THSD7A: variants seen among roughly 807,000 people sequenced by gnomAD.
THSD7A encodes the protein thrombospondin type 1 domain containing 7A, also known as thrombospondin type-1 domain-containing protein 7A.
THSD7A carries 96 observed loss-of-function variants against 231.3 expected under a neutral mutation model. The observed-to-expected ratio is 0.41, with a 90% CI of 0.35 to 0.49. The LOEUF is 0.49. THSD7A is among the 20% of genes least tolerant of loss of function. The probability of loss-of-function intolerance (pLI) is 0.05; values close to 1 mark genes in which losing one functional copy is unlikely to be tolerated. For synonymous variants in THSD7A, 940 were observed against 743.3 expected (o/e 1.26, Z -4.30); for missense variants, 2,290 against 2,070.2 (o/e 1.11, Z -2.06).
At chr7:11,385,060 G>A (rs1466158640) in intron 23 of THSD7A, 1 of 147,542 alleles carries the variant, frequency 6.8e-6, no homozygotes, top group Non-Finnish European at 1.5e-5. Context: ...TATAGTTTTA[G>A]TTTTATTGTC....
chr7:11,722,293 A>C (rs531309352), intron 1 of THSD7A, among the ~76,000 whole-genome samples: 1 of 152,002 alleles, frequency 6.6e-6, no homozygotes, highest in South Asian at 2.1e-4. Flanking sequence ...GGATTATGGG[A>C]AGGGGGTGAA....
At chr7:11,386,427 T>C (rs1782746717) in intron 23 of THSD7A, among the ~76,000 whole-genome samples, 1 of 152,230 alleles carries the variant, frequency 6.6e-6, no homozygotes, top group African/African-American at 2.4e-5. Context: ...TGTGAGATGG[T>C]ATCTCATTGT....
intron 7 of THSD7A, among the ~76,000 whole-genome samples, chr7:11,476,375 T>C (rs1213832286): frequency 1.3e-5 from 2 of 150,982 alleles, no homozygotes; most frequent in African/African-American, 4.9e-5. Context: ...TTTTTTTAAG[T>C]GTAAAGAACT....
chr7:11,375,409 A>C lies in THSD7A; in HGVS notation c.*385T>G. 1 of 158,794 alleles carries C rather than the reference A, an allele frequency of 6.3e-6. No individual in the cohort carries two copies. The highest frequency in any genetic ancestry group is 2.0e-4 in the South Asian group (1 of 4,916). 9.8% of individuals were successfully genotyped at this position (158,794 alleles called of 1,614,324 possible). On this transcript the variant is annotated 3_prime_UTR_variant, in exon 28 of 28. Coordinates refer to ENST00000423059, the MANE Select transcript of THSD7A (RefSeq NM_015204.3). ...ATAGTATTGTGGAGATCTTGGTAGA[A>C]ACTCTTCATGCTAGGAAGTTTTATG...
intron 1 of THSD7A, among the ~76,000 whole-genome samples, chr7:11,813,983 T>C (rs1784607400): frequency 6.6e-6 from 1 of 152,182 alleles, no homozygotes; most frequent in Admixed American, 6.5e-5. Context: ...AGTGGAATTC[T>C]AATACATGTA....
At chr7:11,668,527 C>T (rs891830111) in intron 1 of THSD7A, among the ~76,000 whole-genome samples, 1 of 110,976 alleles carries the variant, frequency 9.0e-6, no homozygotes, top group Non-Finnish European at 1.9e-5. Context: ...AAAAGAAAGA[C>T]AGAAAGAAAG....
At chr7:11,820,291 G>A (rs1784833437) in intron 1 of THSD7A, 7 of 535,230 alleles carry the variant, frequency 1.3e-5, no homozygotes, top group Non-Finnish European at 2.1e-5. Context: ...TCTCCCCTGG[G>A]CAAGGAATTC....
chr7:11,802,773 CA>C (rs1247695490), intron 1 of THSD7A, among the ~76,000 whole-genome samples: 1 of 151,938 alleles, frequency 6.6e-6, no homozygotes, highest in Non-Finnish European at 1.5e-5. Flanking sequence ...TAAATATTTC[CA>C]CTAATATATA....
intron 2 of THSD7A, among the ~76,000 whole-genome samples, chr7:11,617,542 G>A (rs1781149274): frequency 3.3e-5 from 5 of 152,032 alleles, no homozygotes; most frequent in Admixed American, 1.3e-4. Flanking sequence ...GAATGCTAAC[G>A]GAGACCTAGG....
At chr7:11,576,094 C>G (rs1042659392) in intron 4 of THSD7A, among the ~76,000 whole-genome samples, 11 of 152,162 alleles carry the variant, frequency 7.2e-5, no homozygotes, top group African/African-American at 2.7e-4. Flanking sequence ...TGGCCTACTT[C>G]AAGAAATTCA....
chr7:11,669,533 C>A (rs1024817142), intron 1 of THSD7A, among the ~76,000 whole-genome samples: 1 of 151,678 alleles, frequency 6.6e-6, no homozygotes, highest in Non-Finnish European at 1.5e-5. Flanking sequence ...AAAGGAATGA[C>A]CAACATTGTT....
chr7:11,422,171 C>T (rs934711860), intron 16 of THSD7A, among the ~76,000 whole-genome samples: 4 of 149,950 alleles, frequency 2.7e-5, no homozygotes, highest in African/African-American at 1.0e-4. Flanking sequence ...ATAACTAAGT[C>T]TGTCTGTTTT....
At chr7:11,603,322 A>T (rs1312642065) in intron 2 of THSD7A, among the ~76,000 whole-genome samples, 1 of 151,628 alleles carries the variant, frequency 6.6e-6, no homozygotes, top group African/African-American at 2.4e-5. Flanking sequence ...TCAAAACCAC[A>T]ATGAGATACC....
At chr7:11,383,098 A>ATGACT in intron 23 of THSD7A, among the ~76,000 whole-genome samples, 1 of 151,768 alleles carries the variant, frequency 6.6e-6, no homozygotes, top group East Asian at 1.9e-4. Flanking sequence ...CTGAAGATGT[A>ATGACT]TGACTTTCTT....
intron 23 of THSD7A, among the ~76,000 whole-genome samples, chr7:11,395,030 A>G (rs1181845063): frequency 1.3e-5 from 2 of 152,204 alleles, no homozygotes; most frequent in Non-Finnish European, 2.9e-5. Flanking sequence ...GGCAAATTGA[A>G]TAACAAGTCA....
In THSD7A at chr7:11,372,833, C is replaced by A. The variant is rs753306481; in HGVS notation, c.*2961G>T. ...TGAAATTCCAATAAAATATTTAACT[C>A]ATTATTGTCTCATGTCAGAAACAAA... On this transcript the variant is annotated 3_prime_UTR_variant, in exon 28 of 28. Coordinates refer to ENST00000423059, the MANE Select transcript of THSD7A (RefSeq NM_015204.3). 2 of 151,718 alleles carry A rather than the reference C, an allele frequency of 1.3e-5. No homozygotes were observed. The highest frequency in any genetic ancestry group is 2.9e-5 in the Non-Finnish European group (2 of 67,934). The allele number at this position is 151,718 out of a possible 1,614,324, so 9.4% of individuals were successfully genotyped here. A position where few individuals can be genotyped will look rare whatever the true frequency, so the allele number is the denominator to read the frequency against.
At chr7:11,705,187 T>A (rs1780725133) in intron 1 of THSD7A, among the ~76,000 whole-genome samples, 1 of 151,038 alleles carries the variant, frequency 6.6e-6, no homozygotes, top group Non-Finnish European at 1.5e-5. Flanking sequence ...ATCAGGAATT[T>A]GACCTTTAAA....
At chr7:11,439,476 A>T (rs1475463249) in intron 13 of THSD7A, among the ~76,000 whole-genome samples, 1 of 152,010 alleles carries the variant, frequency 6.6e-6, no homozygotes, top group Non-Finnish European at 1.5e-5. Context: ...ATCTGTAATC[A>T]GTGATCTTTG....
intron 1 of THSD7A, among the ~76,000 whole-genome samples, chr7:11,722,663 G>A (rs1289182560): frequency 7.9e-5 from 12 of 151,866 alleles, no homozygotes; most frequent in Admixed American, 5.9e-4. Flanking sequence ...ACAAGTGGGC[G>A]AAGGATATGA....
Sources: gnomAD v4.1 joint callset for allele counts (sites outside exome capture counted in the v4.1 genomes callset) on GRCh38, gnomAD v4.1.1 for gene constraint, MANE v1.5 for transcripts, NCBI Gene and HGNC (gene_info 2026-07-23, HGNC 2026-07-21) for gene names.